The following CNBD1 variants were observed in gnomAD, a reference collection of about 807,000 sequenced individuals.
The protein encoded by CNBD1 is cyclic nucleotide binding domain containing 1, also known as cyclic nucleotide-binding domain-containing protein 1.
Under a neutral mutation model 54.4 loss-of-function variants are expected in CNBD1, and 71 were observed. That is an observed-to-expected ratio of 1.30 (90% CI 1.08 to 1.59). The LOEUF (loss-of-function observed/expected upper bound fraction) is 1.59. Ranked by LOEUF, CNBD1 falls within the 40% of genes most tolerant of loss-of-function variation. The pLI, the probability that CNBD1 is intolerant of heterozygous loss-of-function variation, is 0.00. For missense variants in CNBD1, 659 were observed against 518.0 expected, an observed-to-expected ratio of 1.27 and a Z score of -2.64; for synonymous variants, 182 against 170.7, an observed-to-expected ratio of 1.07 and a Z score of -0.51.
intron 8 of CNBD1, among the ~76,000 whole-genome samples, chr8:87,303,117 A>C (rs1206034557): frequency 6.6e-6 from 1 of 152,140 alleles, no homozygotes; most frequent in African/African-American, 2.4e-5. Context: ...GATTTTCTTC[A>C]CAGAATTGGA....
At chr8:86,907,471 C>A (rs1440812675) in intron 3 of CNBD1, among the ~76,000 whole-genome samples, 2 of 151,892 alleles carry the variant, frequency 1.3e-5, no homozygotes, top group African/African-American at 4.8e-5. Flanking sequence ...AGTTTGAGAC[C>A]ATCCTGGCCA....
chr8:87,246,150 C>T (rs1668226583), intron 6 of CNBD1, among the ~76,000 whole-genome samples: 1 of 151,988 alleles, frequency 6.6e-6, no homozygotes. Flanking sequence ...CTGACAAACA[C>T]AAAATGATGA....
intron 5 of CNBD1, among the ~76,000 whole-genome samples, chr8:87,224,183 T>G (rs550166670): frequency 1.7e-4 from 26 of 151,972 alleles, no homozygotes; most frequent in Admixed American, 3.9e-4. Flanking sequence ...TTTCTCCCAT[T>G]TTGTAGGTTG....
In CNBD1 at chr8:87,391,815, A is replaced by G. The variant is rs540668718; in HGVS notation, c.214-36731A>G. ...TTTTCAGACACAAAAGCCCAACCAA[A>G]AAATGAAACAAAATAAAGTAATTTG... On this transcript the variant is annotated intron_variant, in intron 2 of 7. Coordinates refer to the CNBD1 transcript ENST00000521593. Among the ~76,000 whole-genome samples the G allele has an allele frequency of 7.2e-5, 11 of 152,232 alleles. No homozygotes were observed. The South Asian group carries it at 2.1e-3, about 29-fold the overall frequency.
At chr8:86,870,756 A>T (rs1280975965) in intron 1 of CNBD1, among the ~76,000 whole-genome samples, 2 of 152,186 alleles carry the variant, frequency 1.3e-5, no homozygotes, top group African/African-American at 4.8e-5. Flanking sequence ...CTTGTCAGTG[A>T]CGAAGAAAAA....
In CNBD1 at chr8:87,263,267, A is replaced by G. The variant is rs145545772; in HGVS notation, c.772-21411A>G. ...CTTGTCATTTGTGTGAAAACCATGCATATTTGTATATAATAATACTAGCAG... is the reference window on the plus strand; with the variant it reads ...CTTGTCATTTGTGTGAAAACCATGCGTATTTGTATATAATAATACTAGCAG... On this transcript the variant is annotated intron_variant, in intron 6 of 10. Transcript: ENST00000518476. Among the ~76,000 whole-genome samples the G allele has an allele frequency of 8.5e-5, 13 of 152,258 alleles. 1 individual carries two copies. The highest frequency in any genetic ancestry group is 2.9e-4 in the African/African-American group (12 of 41,548).
intron 10 of CNBD1, among the ~76,000 whole-genome samples, chr8:87,356,867 G>A (rs931024426): frequency 1.3e-5 from 2 of 152,262 alleles, no homozygotes; most frequent in Admixed American, 1.3e-4. Flanking sequence ...TCCCATCACA[G>A]GCCCAGATGC....
intron 4 of CNBD1, among the ~76,000 whole-genome samples, chr8:87,171,127 A>G (rs1395547584): frequency 6.6e-6 from 1 of 152,160 alleles, no homozygotes; most frequent in Non-Finnish European, 1.5e-5. Flanking sequence ...TATTAATAGA[A>G]TTCAGCAGTG....
downstream of CNBD1, among the ~76,000 whole-genome samples, chr8:87,384,508 G>C (rs10106421): frequency 6.6e-6 from 1 of 151,828 alleles, no homozygotes; most frequent in African/African-American, 2.4e-5. Flanking sequence ...GGATCAAGGC[G>C]GATCTCAGTT....
intron 4 of CNBD1, among the ~76,000 whole-genome samples, chr8:87,101,312 G>C (rs145429919): frequency 6.6e-6 from 1 of 152,254 alleles, no homozygotes; most frequent in South Asian, 2.1e-4. Flanking sequence ...GAATGAACAG[G>C]TGGGAAATCT....
At chr8:87,410,187 G>T (rs1315397133) in intron 2 of CNBD1, among the ~76,000 whole-genome samples, 2 of 152,048 alleles carry the variant, frequency 1.3e-5, no homozygotes, top group Non-Finnish European at 2.9e-5. Flanking sequence ...AATGCACATA[G>T]TCAACCAAGA....
chr8:87,330,917 A>G (rs1176653576), intron 8 of CNBD1, among the ~76,000 whole-genome samples: 2 of 152,182 alleles, frequency 1.3e-5, no homozygotes, highest in African/African-American at 4.8e-5. Context: ...TAGCCAACAT[A>G]TAGTTGGGTC....
intron 8 of CNBD1, among the ~76,000 whole-genome samples, chr8:87,345,480 G>T (rs981606928): frequency 6.6e-6 from 1 of 152,098 alleles, no homozygotes; most frequent in Admixed American, 6.5e-5. Context: ...TATTTTGACT[G>T]TGGTGTCTAA....
intron 4 of CNBD1, among the ~76,000 whole-genome samples, chr8:86,958,758 C>G (rs1807847952): frequency 6.6e-6 from 1 of 152,160 alleles, no homozygotes; most frequent in African/African-American, 2.4e-5. Context: ...ATACAGCACA[C>G]TGATAGGTCT....
chr8:87,127,602 A>C lies in CNBD1; in HGVS notation c.432-78391A>C, dbSNP rs77426747. ...TGGACAATTATGTTGTCTGCGAATA[A>C]AGACAATTTTATTTCTTCTTTACTG... On this transcript the variant is annotated intron_variant, in intron 4 of 10. Coordinates refer to ENST00000518476, the MANE Select transcript of CNBD1 (RefSeq NM_173538.3). Among the ~76,000 whole-genome samples the C allele has an allele frequency of 2.7e-3, 416 of 152,222 alleles. 3 individuals are homozygous for C. Among genetic ancestry groups the C allele is most frequent in the African/African-American group, 9.3e-3 (388 of 41,536 alleles).
At chr8:87,375,142 A>G (rs1810900481) in intron 10 of CNBD1, among the ~76,000 whole-genome samples, 2 of 151,904 alleles carry the variant, frequency 1.3e-5, no homozygotes, top group African/African-American at 4.8e-5. Flanking sequence ...TCTAAGTTTT[A>G]GTATGGTTTT....
chr8:87,270,305 C>T (rs1808336052), intron 6 of CNBD1, among the ~76,000 whole-genome samples: 1 of 151,736 alleles, frequency 6.6e-6, no homozygotes, highest in Non-Finnish European at 1.5e-5. Flanking sequence ...AGGCAAAGGA[C>T]ATAAACAGAC....
intron 2 of CNBD1, among the ~76,000 whole-genome samples, chr8:86,890,793 G>A (rs926678148): frequency 3.9e-5 from 6 of 151,930 alleles, no homozygotes; most frequent in South Asian, 2.1e-4. Context: ...ACAGATATGA[G>A]GTAATATCTC....
Position 87,353,683 on chromosome 8 carries a change from G to A in CNBD1, c.1200G>A (p.Glu400=). 1 of 1,604,544 alleles carries A rather than the reference G, an allele frequency of 6.2e-7. No individual in the cohort carries two copies. The highest frequency in any genetic ancestry group is 8.5e-7 in the Non-Finnish European group (1 of 1,175,536). The change falls in exon 10 of 11, where the codon GAG becomes GAA. Residue 400 remains glutamate, a synonymous_variant. Transcript: ENST00000518476. ...ATATGGGGAAACTTAAGGAGAAGGA[G>A]TCCTTTGGTGAGATTAGCGTCCTTC... ...LVYMGKLKEK[E]SFGEISVLLQ...
Sources: gnomAD v4.1 joint callset for allele counts (sites outside exome capture counted in the v4.1 genomes callset) on GRCh38, gnomAD v4.1.1 for gene constraint, MANE v1.5 for transcripts, NCBI Gene and HGNC (gene_info 2026-07-23, HGNC 2026-07-21) for gene names.